SOX5: variants seen among roughly 807,000 people sequenced by gnomAD.
SOX5 encodes SRY-box transcription factor 5.
A neutral mutation model predicts 92.0 loss-of-function variants in SOX5; 9 were observed. That is an observed-to-expected ratio of 0.10 (90% CI 0.06 to 0.17). The LOEUF is 0.17. Among genes scored for constraint, SOX5 ranks in the 10% least tolerant of loss-of-function variants. SOX5 has a pLI of 1.00. For synonymous variants in SOX5, 344 were observed against 336.3 expected (o/e 1.02, Z -0.25); for missense variants, 642 against 944.5 (o/e 0.68, Z 4.20).
At chr12:23,848,011 T>C (rs1053388041) in intron 2 of SOX5, among the ~76,000 whole-genome samples, 1 of 152,160 alleles carries the variant, frequency 6.6e-6, no homozygotes, top group African/African-American at 2.4e-5. Context: ...GAATGGTCCA[T>C]AACACACATT....
At chr12:24,185,656 G>C (rs1419144688) in intron 4 of SOX5, among the ~76,000 whole-genome samples, 1 of 152,056 alleles carries the variant, frequency 6.6e-6, no homozygotes, top group Admixed American at 6.6e-5. Flanking sequence ...CACAAGCGCT[G>C]AACTTTTCTG....
chr12:24,194,406 T>C (rs1259120239), intron 4 of SOX5, among the ~76,000 whole-genome samples: 2 of 139,624 alleles, frequency 1.4e-5, no homozygotes, highest in African/African-American at 3.0e-5. Context: ...TCTATCTAGA[T>C]AGGTAGGTAG....
chr12:24,488,559 C>T (rs1253490848), intron 1 of SOX5, among the ~76,000 whole-genome samples: 2 of 152,158 alleles, frequency 1.3e-5, no homozygotes, highest in African/African-American at 4.8e-5. Context: ...GCACTCTAGC[C>T]TGCATGACAG....
intron 2 of SOX5, among the ~76,000 whole-genome samples, chr12:23,855,021 A>G (rs1260549567): frequency 6.6e-6 from 1 of 151,800 alleles, no homozygotes; most frequent in African/African-American, 2.4e-5. Flanking sequence ...ATTAGCCTAT[A>G]AAGATGAATA....
intron 3 of SOX5, among the ~76,000 whole-genome samples, chr12:24,222,531 A>G (rs1750836981): frequency 6.6e-6 from 1 of 152,100 alleles, no homozygotes; most frequent in African/African-American, 2.4e-5. Flanking sequence ...ATGTGGGTGG[A>G]GCAGATTTAA....
intron 4 of SOX5, among the ~76,000 whole-genome samples, chr12:24,181,203 C>T (rs529463666): frequency 1.3e-5 from 2 of 152,228 alleles, no homozygotes; most frequent in East Asian, 1.9e-4. Flanking sequence ...TAATATTCAC[C>T]GTAAACACTG....
chr12:23,772,979 A>G (rs1567644926), intron 3 of SOX5, among the ~76,000 whole-genome samples: 1 of 152,160 alleles, frequency 6.6e-6, no homozygotes, highest in Non-Finnish European at 1.5e-5. Flanking sequence ...TACTAATAAT[A>G]TCAGTCTTCA....
intron 6 of SOX5, among the ~76,000 whole-genome samples, chr12:23,680,074 C>T (rs10842210): frequency 0.29 from 43,817 of 151,286 alleles, 6,594 homozygotes; most frequent in East Asian, 0.52. Flanking sequence ...GCCTGTAATC[C>T]CATCACTTTG....
intron 3 of SOX5, among the ~76,000 whole-genome samples, chr12:24,236,343 A>G (rs771487160): frequency 6.6e-6 from 1 of 152,206 alleles, no homozygotes; most frequent in Non-Finnish European, 1.5e-5. Flanking sequence ...CTAATCCACT[A>G]CATTCATCAA....
At chr12:23,595,653 C>T (rs1481214725) in intron 9 of SOX5, among the ~76,000 whole-genome samples, 2 of 148,370 alleles carry the variant, frequency 1.3e-5, no homozygotes, top group Non-Finnish European at 3.0e-5. Context: ...AAAATGTGAC[C>T]GAATGTACTT....
intron 1 of SOX5, among the ~76,000 whole-genome samples, chr12:24,390,864 A>G (rs1355250698): frequency 1.3e-5 from 2 of 152,162 alleles, no homozygotes; most frequent in Non-Finnish European, 2.9e-5. Flanking sequence ...TATCTTTGCC[A>G]TTGTGAATAG....
chr12:23,746,859 TG>T (rs1349820542), intron 4 of SOX5, among the ~76,000 whole-genome samples: 1 of 152,000 alleles, frequency 6.6e-6, no homozygotes, highest in Non-Finnish European at 1.5e-5. Context: ...AATTTAATCA[TG>T]GGGGTGGGTC....
intron 4 of SOX5, among the ~76,000 whole-genome samples, chr12:23,746,659 A>G (rs4399402): frequency 0.75 from 114,370 of 152,002 alleles, 43,183 homozygotes; most frequent in East Asian, 0.81. Context: ...GTATTCCATA[A>G]AAGCAGCACA....
intron 11 of SOX5, among the ~76,000 whole-genome samples, chr12:23,554,932 C>CTGTT (rs1444962285): frequency 1.3e-5 from 2 of 152,002 alleles, no homozygotes; most frequent in African/African-American, 4.8e-5. Flanking sequence ...TTGAGGGCAG[C>CTGTT]TGTTTGATCT....
intron 4 of SOX5, among the ~76,000 whole-genome samples, chr12:24,056,041 C>A (rs1958062085): frequency 6.6e-6 from 1 of 152,196 alleles, no homozygotes; most frequent in Non-Finnish European, 1.5e-5. Flanking sequence ...ATGTGCCACA[C>A]CTTTTTTAAA....
At chr12:23,896,906 C>T (rs1034621860) in intron 1 of SOX5, among the ~76,000 whole-genome samples, 1 of 151,870 alleles carries the variant, frequency 6.6e-6, no homozygotes, top group East Asian at 1.9e-4. Flanking sequence ...GATAATTGAA[C>T]AAGAATTAAA....
intron 9 of SOX5, among the ~76,000 whole-genome samples, chr12:23,589,088 G>C (rs527737607): frequency 2.0e-5 from 3 of 151,838 alleles, no homozygotes; most frequent in African/African-American, 7.2e-5. Flanking sequence ...CCATCATTAA[G>C]TGATGTGTGA....
rs187072063 is a variant in SOX5 at position 24,521,957 on chromosome 12, G to A, written c.-251+40372C>T. Among the ~76,000 whole-genome samples the A allele has an allele frequency of 7.9e-4, 119 of 150,614 alleles. 2 individuals are homozygous for A. Among genetic ancestry groups the A allele is most frequent in the African/African-American group, 2.4e-3 (99 of 41,064 alleles). On this transcript the variant is annotated intron_variant, in intron 1 of 4. Transcript: ENST00000446891. Reference sequence around the variant, plus strand: ...AAGAAAAAAGAGATCAGGTAGAAACGAATCAAATAAAGACCATAAAATAGA... The same window carrying A: ...AAGAAAAAAGAGATCAGGTAGAAACAAATCAAATAAAGACCATAAAATAGA...
At chr12:24,456,591 G>C (rs1432856827) in intron 1 of SOX5, among the ~76,000 whole-genome samples, 2 of 152,150 alleles carry the variant, frequency 1.3e-5, no homozygotes, top group Non-Finnish European at 2.9e-5. Flanking sequence ...GAATATGCCT[G>C]TTCTTACTTA....
Sources: gnomAD v4.1 joint callset for allele counts (sites outside exome capture counted in the v4.1 genomes callset) on GRCh38, gnomAD v4.1.1 for gene constraint, MANE v1.5 for transcripts, NCBI Gene and HGNC (gene_info 2026-07-23, HGNC 2026-07-21) for gene names.